The following SPMAP2L variants were observed in gnomAD, a reference collection of about 807,000 sequenced individuals.
The protein encoded by SPMAP2L is sperm microtubule associated protein 2 like.
the SPMAP2L span, chr4:56,530,988 T>C: frequency 6.5e-7 from 1 of 1,535,052 alleles, no homozygotes; most frequent in African/African-American, 1.4e-5. Context: ...ACGAACTCCA[T>C]GGGCCCCATG....
chr4:56,532,838 C>T, the SPMAP2L span, among the ~76,000 whole-genome samples: 1 of 152,130 alleles, frequency 6.6e-6, no homozygotes. Context: ...AGATCTTGTC[C>T]TTCACCCCAT....
the SPMAP2L span, among the ~76,000 whole-genome samples, chr4:56,592,735 G>T: frequency 6.6e-6 from 1 of 151,990 alleles, no homozygotes; most frequent in Non-Finnish European, 1.5e-5. Flanking sequence ...CTGGGGGATC[G>T]GGGCTGTGCT....
At chr4:56,588,179 T>G in the SPMAP2L span, among the ~76,000 whole-genome samples, 1 of 152,220 alleles carries the variant, frequency 6.6e-6, no homozygotes, top group African/African-American at 2.4e-5. Context: ...TGTTTTCTTC[T>G]TACTGATTTG....
chr4:56,621,452 G>A, the SPMAP2L span, among the ~76,000 whole-genome samples: 10 of 152,150 alleles, frequency 6.6e-5, no homozygotes, highest in African/African-American at 2.4e-4. Flanking sequence ...ATGTTGAAGA[G>A]CTAGAACTTG....
chr4:56,582,357 A>G, the SPMAP2L span, among the ~76,000 whole-genome samples: 4 of 151,838 alleles, frequency 2.6e-5, no homozygotes, highest in African/African-American at 9.7e-5. Context: ...TGTACAATAA[A>G]AGACAAATAA....
chr4:56,577,431 A>G, the SPMAP2L span, among the ~76,000 whole-genome samples: 1 of 152,188 alleles, frequency 6.6e-6, no homozygotes, highest in African/African-American at 2.4e-5. Context: ...ATATCAGACA[A>G]TATAGACTTT....
the SPMAP2L span, among the ~76,000 whole-genome samples, chr4:56,591,666 C>T: frequency 1.0e-3 from 155 of 152,248 alleles, no homozygotes; most frequent in African/African-American, 3.5e-3. Context: ...CATTTTATTT[C>T]GTTATTGATT....
chr4:56,583,049 G>T, the SPMAP2L span, among the ~76,000 whole-genome samples: 1 of 152,142 alleles, frequency 6.6e-6, no homozygotes, highest in Non-Finnish European at 1.5e-5. Context: ...GAGGTGGGCA[G>T]ATCACTTGAG....
chr4:56,585,323 T>C, the SPMAP2L span, among the ~76,000 whole-genome samples: 1 of 152,222 alleles, frequency 6.6e-6, no homozygotes, highest in South Asian at 2.1e-4. Context: ...TTTTTGGTTC[T>C]GTATGTGGAC....
At chr4:56,596,452 T>G in the SPMAP2L span, 1 of 1,451,226 alleles carries the variant, frequency 6.9e-7, no homozygotes, top group East Asian at 2.5e-5. Context: ...AACTAAATAG[T>G]GTTTATTACT....
At chr4:56,533,519 A>G in the SPMAP2L span, among the ~76,000 whole-genome samples, 1 of 152,278 alleles carries the variant, frequency 6.6e-6, no homozygotes. Flanking sequence ...TGCTCTTATT[A>G]AAGGCCTTTC....
the SPMAP2L span, among the ~76,000 whole-genome samples, chr4:56,599,799 A>G: frequency 2.6e-5 from 4 of 152,180 alleles, no homozygotes; most frequent in Non-Finnish European, 4.4e-5. Context: ...TATCCAGTCT[A>G]TCATTGATGA....
the SPMAP2L span, among the ~76,000 whole-genome samples, chr4:56,570,317 G>T: frequency 6.6e-6 from 1 of 152,180 alleles, no homozygotes; most frequent in Non-Finnish European, 1.5e-5. Context: ...ACAGGGCTAT[G>T]TTCTAAGAAA....
chr4:56,568,684 A>T, the SPMAP2L span, among the ~76,000 whole-genome samples: 1 of 152,206 alleles, frequency 6.6e-6, no homozygotes, highest in East Asian at 1.9e-4. Flanking sequence ...TAAAAATGAA[A>T]AATTAAAGTG....
the SPMAP2L span, chr4:56,557,757 A>G: frequency 6.6e-6 from 1 of 152,266 alleles, no homozygotes; most frequent in South Asian, 2.1e-4. Context: ...CAGGTGTGGT[A>G]TGGATAAAGA....
chr4:56,557,178 G>A, the SPMAP2L span, among the ~76,000 whole-genome samples: 1 of 151,742 alleles, frequency 6.6e-6, no homozygotes, highest in Non-Finnish European at 1.5e-5. Flanking sequence ...AAGCCTGGGA[G>A]GCTGAGGTTG....
the SPMAP2L span, among the ~76,000 whole-genome samples, chr4:56,580,538 C>T: frequency 4.9e-4 from 74 of 152,046 alleles, 1 homozygote; most frequent in East Asian, 0.014. Context: ...AAAGACTGAA[C>T]GCTTTACCCC....
the SPMAP2L span, among the ~76,000 whole-genome samples, chr4:56,611,822 A>G: frequency 6.6e-6 from 1 of 152,120 alleles, no homozygotes; most frequent in African/African-American, 2.4e-5. Context: ...ACGCTCCCTA[A>G]GCCAATCACG....
the SPMAP2L span, chr4:56,584,482 T>G: frequency 1.3e-6 from 2 of 1,484,138 alleles, no homozygotes; most frequent in Admixed American, 2.0e-5. Flanking sequence ...ATTTCATGTT[T>G]CCATTTGCAT....
Sources: allele counts gnomAD v4.1 joint callset (sites outside exome capture counted in the v4.1 genomes callset), GRCh38; gene constraint gnomAD v4.1.1; transcripts MANE v1.5; gene names NCBI Gene and HGNC (gene_info 2026-07-23, HGNC 2026-07-21).